KIFAP3: variants seen among roughly 807,000 people sequenced by gnomAD.
The protein encoded by KIFAP3 is kinesin associated protein 3, also known as kinesin-associated protein 3.
KIFAP3 carries 68 observed loss-of-function variants against 106.5 expected under a neutral mutation model. The observed-to-expected ratio is 0.64, with a 90% CI of 0.53 to 0.78. KIFAP3 has a LOEUF of 0.78. Among genes scored for constraint, KIFAP3 ranks in the 30% least tolerant of loss-of-function variants. KIFAP3 has a pLI of 0.00. For synonymous variants in KIFAP3, 320 were observed against 311.5 expected (o/e 1.03, Z -0.29); for missense variants, 780 against 941.8 (o/e 0.83, Z 2.25).
chr1:170,070,307 T>A (rs1331050002), intron 1 of KIFAP3, among the ~76,000 whole-genome samples: 1 of 151,906 alleles, frequency 6.6e-6, no homozygotes, highest in Non-Finnish European at 1.5e-5. Context: ...AACCCTAAAA[T>A]TCAAATGGAA....
At chr1:170,021,500 C>T (rs1284451745) in intron 9 of KIFAP3, among the ~76,000 whole-genome samples, 1 of 140,518 alleles carries the variant, frequency 7.1e-6, no homozygotes, top group Admixed American at 7.6e-5. Flanking sequence ...AGTGCAGTGA[C>T]ATGATCTCCG....
chr1:170,074,793 C>G (rs561608253), upstream of KIFAP3: 41 of 1,190,742 alleles, frequency 3.4e-5, no homozygotes, highest in African/African-American at 1.2e-4. Flanking sequence ...ACCGGGGAGC[C>G]GAGCAGGGAA....
In KIFAP3 at chr1:170,033,463, G is replaced by T. The variant is rs182829884; in HGVS notation, c.742+909C>A. On this transcript the variant is annotated intron_variant, in intron 7 of 19. Coordinates refer to ENST00000361580, the MANE Select transcript of KIFAP3 (RefSeq NM_014970.4). ...TTTTTAAAAGACATAATAAACACTT[G>T]ATTCAAAGGAAAGTTACCAGCATGC... Among the ~76,000 whole-genome samples the T allele has an allele frequency of 1.8e-3, 273 of 151,830 alleles. 6 individuals are homozygous for T. Among genetic ancestry groups the T allele is most frequent in the Admixed American group, 0.015 (224 of 15,224 alleles).
chr1:169,953,967 G>T, intron 19 of KIFAP3, 44 bp downstream of exon 19: 1 of 1,349,046 alleles, frequency 7.4e-7, no homozygotes, highest in Non-Finnish European at 1.1e-6. Context: ...CTTTCCAAAA[G>T]CAACAGATAC....
chr1:170,031,609 T>C (rs1669415543), intron 8 of KIFAP3, among the ~76,000 whole-genome samples: 1 of 151,726 alleles, frequency 6.6e-6, no homozygotes, highest in African/African-American at 2.4e-5. Flanking sequence ...GAGACAAAGA[T>C]TGATATTATT....
intron 19 of KIFAP3, among the ~76,000 whole-genome samples, chr1:169,949,151 A>T (rs1403523486): frequency 6.6e-6 from 1 of 151,946 alleles, no homozygotes. Flanking sequence ...TATTTGAAAA[A>T]AAAGAGACCA....
At chr1:170,033,063 G>A (rs1006603437) in intron 7 of KIFAP3, among the ~76,000 whole-genome samples, 1 of 151,700 alleles carries the variant, frequency 6.6e-6, no homozygotes, top group Non-Finnish European at 1.5e-5. Context: ...AAGCATTCAG[G>A]AGTCTTGTGA....
chr1:169,977,868 A>T (rs1029266170), intron 16 of KIFAP3, among the ~76,000 whole-genome samples: 7 of 152,132 alleles, frequency 4.6e-5, no homozygotes, highest in African/African-American at 1.7e-4. Flanking sequence ...TAGGAATCAC[A>T]ACCTGACAAG....
At chr1:169,945,154 G>A (rs549082103) in intron 19 of KIFAP3, among the ~76,000 whole-genome samples, 5 of 152,256 alleles carry the variant, frequency 3.3e-5, no homozygotes, top group South Asian at 2.1e-4. Flanking sequence ...GGCGGGGGGG[G>A]GCTGGTGTGT....
chr1:170,020,481 G>C (rs1668752380), intron 9 of KIFAP3, among the ~76,000 whole-genome samples: 1 of 152,142 alleles, frequency 6.6e-6, no homozygotes, highest in Non-Finnish European at 1.5e-5. Flanking sequence ...TTGAGACGGA[G>C]TCTTGCTCTG....
At chr1:169,940,564 T>A (rs1664051205) in intron 19 of KIFAP3, among the ~76,000 whole-genome samples, 1 of 152,052 alleles carries the variant, frequency 6.6e-6, no homozygotes, top group Non-Finnish European at 1.5e-5. Flanking sequence ...ACAACATAGA[T>A]CCCTAGCATG....
chr1:170,046,642 T>A (rs1178997464), intron 3 of KIFAP3, 70 bp downstream of exon 3: 7 of 1,236,592 alleles, frequency 5.7e-6, no homozygotes, highest in Non-Finnish European at 7.5e-6. Context: ...CTTTTTTTTA[T>A]AGTTGCTTGA....
chr1:170,072,701 T>C (rs921065579), intron 1 of KIFAP3, among the ~76,000 whole-genome samples: 1 of 152,164 alleles, frequency 6.6e-6, no homozygotes, highest in Admixed American at 6.5e-5. Context: ...AAAATATTGT[T>C]AAAGAATATA....
intron 19 of KIFAP3, among the ~76,000 whole-genome samples, chr1:169,933,472 G>A (rs947516859): frequency 2.6e-5 from 4 of 151,938 alleles, no homozygotes. Flanking sequence ...TTCTGCTCAG[G>A]TATAAGACTA....
upstream of KIFAP3, among the ~76,000 whole-genome samples, chr1:170,076,074 T>C (rs1021626233): frequency 2.0e-5 from 3 of 152,074 alleles, no homozygotes; most frequent in East Asian, 3.9e-4. Context: ...GCATAGATAA[T>C]ATAACAAGGA....
chr1:169,981,984 C>A lies in KIFAP3; in HGVS notation c.1786G>T (p.Glu596Ter), dbSNP rs544226701. 6.2e-7 allele frequency: 1 copy of A among 1,611,994 alleles called. No homozygotes were observed. The highest frequency in any genetic ancestry group is 1.3e-5 in the African/African-American group (1 of 74,968). ...TAAGGTTATTTACCATTTAGCAATT[C>A]AATGAGTGCAGGGATTATGCCAGAT... ...AKSGIIPALI[E>*]LLNAQQEDDE... Residue 596 changes from glutamate to a stop codon, truncating the protein, a stop_gained, in exon 15 of 20, where the codon GAA (glutamate) becomes TAA (stop). Transcript: ENST00000361580. LOFTEE classifies it high-confidence loss of function.
At chr1:169,978,012 A>AG (rs1666319265) in intron 16 of KIFAP3, 73 bp downstream of exon 16, 1 of 1,029,268 alleles carries the variant, frequency 9.7e-7, no homozygotes, top group Non-Finnish European at 1.5e-6. Context: ...TTGCAAAAAA[A>AG]AAAACAACTC....
chr1:170,046,190 T>C (rs1289611033), intron 3 of KIFAP3, among the ~76,000 whole-genome samples: 3 of 136,020 alleles, frequency 2.2e-5, no homozygotes, highest in African/African-American at 8.3e-5. Flanking sequence ...GACCCCCAGA[T>C]TAAACCTTTT....
chr1:169,944,425 G>C (rs1326658170), intron 19 of KIFAP3, among the ~76,000 whole-genome samples: 2 of 152,206 alleles, frequency 1.3e-5, no homozygotes, highest in African/African-American at 4.8e-5. Flanking sequence ...GCCCCACAGA[G>C]GGTGTCACAT....
Sources: gnomAD v4.1 joint callset for allele counts (sites outside exome capture counted in the v4.1 genomes callset) on GRCh38, gnomAD v4.1.1 for gene constraint, MANE v1.5 for transcripts, NCBI Gene and HGNC (gene_info 2026-07-23, HGNC 2026-07-21) for gene names.